Variants in POFUT3 observed in about 807,000 individuals in gnomAD.
POFUT3 encodes GDP-fucose protein O-fucosyltransferase 3.
the POFUT3 span, among the ~76,000 whole-genome samples, chr8:33,463,346 A>G: frequency 2.0e-5 from 3 of 152,054 alleles, no homozygotes; most frequent in East Asian, 3.9e-4. Context: ...CTCTACTACA[A>G]ATACAAAAAT....
the POFUT3 span, among the ~76,000 whole-genome samples, chr8:33,329,158 G>GT: frequency 7.2e-6 from 1 of 138,742 alleles, no homozygotes; most frequent in African/African-American, 2.8e-5. Context: ...TACATCAAGT[G>GT]TCCGTCTTTC....
the POFUT3 span, among the ~76,000 whole-genome samples, chr8:33,388,085 A>G: frequency 6.6e-6 from 1 of 152,220 alleles, no homozygotes. Flanking sequence ...AGTTCATAAC[A>G]ATTTAAGAAA....
chr8:33,463,367 C>T, the POFUT3 span, among the ~76,000 whole-genome samples: 1 of 151,752 alleles, frequency 6.6e-6, no homozygotes, highest in Non-Finnish European at 1.5e-5. Flanking sequence ...TAGCTGGGTG[C>T]GGTGGCAGGC....
chr8:33,359,689 T>A, the POFUT3 span, among the ~76,000 whole-genome samples: 1 of 152,200 alleles, frequency 6.6e-6, no homozygotes, highest in South Asian at 2.1e-4. Flanking sequence ...TTGTTTAGTA[T>A]TATAAAAGCA....
chr8:33,403,649 G>C, the POFUT3 span, among the ~76,000 whole-genome samples: 2 of 152,134 alleles, frequency 1.3e-5, no homozygotes, highest in Non-Finnish European at 2.9e-5. Context: ...TTGAGCCCAA[G>C]AGTTCAAGGC....
At chr8:33,423,275 T>C in the POFUT3 span, among the ~76,000 whole-genome samples, 1 of 15,518 alleles carries the variant, frequency 6.4e-5, no homozygotes, top group Non-Finnish European at 1.3e-4. Flanking sequence ...TTCTTACAAT[T>C]TTTTTTTTTT....
chr8:33,450,787 C>T, the POFUT3 span, among the ~76,000 whole-genome samples: 2 of 152,216 alleles, frequency 1.3e-5, no homozygotes, highest in South Asian at 4.1e-4. Context: ...AGATTAAGTC[C>T]ATCCCAGACA....
At chr8:33,384,725 G>A in the POFUT3 span, among the ~76,000 whole-genome samples, 3 of 152,144 alleles carry the variant, frequency 2.0e-5, no homozygotes, top group African/African-American at 7.2e-5. Context: ...GGAGGCTAAG[G>A]TAGGAGAATC....
At chr8:33,385,792 G>A in the POFUT3 span, among the ~76,000 whole-genome samples, 1 of 152,184 alleles carries the variant, frequency 6.6e-6, no homozygotes, top group Non-Finnish European at 1.5e-5. Context: ...GCTGAGGCAG[G>A]AGAATCACTT....
the POFUT3 span, among the ~76,000 whole-genome samples, chr8:33,456,658 A>G: frequency 6.6e-6 from 1 of 152,166 alleles, no homozygotes; most frequent in Non-Finnish European, 1.5e-5. Context: ...AAATAAAACC[A>G]TAATCAGCCA....
the POFUT3 span, among the ~76,000 whole-genome samples, chr8:33,391,446 C>T: frequency 2.6e-5 from 4 of 152,168 alleles, no homozygotes; most frequent in Non-Finnish European, 5.9e-5. Flanking sequence ...AGAACACTCA[C>T]CCATATACCT....
the POFUT3 span, among the ~76,000 whole-genome samples, chr8:33,376,079 T>A: frequency 6.6e-6 from 1 of 151,822 alleles, no homozygotes; most frequent in South Asian, 2.1e-4. Context: ...CCAAAATAGT[T>A]AAATAATTAG....
the POFUT3 span, among the ~76,000 whole-genome samples, chr8:33,347,957 C>T: frequency 6.6e-6 from 1 of 152,072 alleles, no homozygotes; most frequent in Non-Finnish European, 1.5e-5. Context: ...GTGGGTGGAT[C>T]ACTCAAGGTC....
chr8:33,367,764 T>C, the POFUT3 span, among the ~76,000 whole-genome samples: 2 of 152,270 alleles, frequency 1.3e-5, no homozygotes, highest in Non-Finnish European at 2.9e-5. Context: ...ATTTACTCCA[T>C]TTATATAAGA....
At chr8:33,431,008 T>C in the POFUT3 span, among the ~76,000 whole-genome samples, 3 of 152,058 alleles carry the variant, frequency 2.0e-5, no homozygotes, top group Non-Finnish European at 2.9e-5. Context: ...TTTTACGGTT[T>C]TATGGCAACA....
chr8:33,321,849 C>G, the POFUT3 span, among the ~76,000 whole-genome samples: 1 of 152,082 alleles, frequency 6.6e-6, no homozygotes. Flanking sequence ...TTCCTTGATT[C>G]CCATAGAATA....
At chr8:33,375,595 C>CA in the POFUT3 span, among the ~76,000 whole-genome samples, 9 of 151,930 alleles carry the variant, frequency 5.9e-5, no homozygotes, top group Admixed American at 4.6e-4. Context: ...GGGAAAGAAA[C>CA]AAAAAACTGT....
the POFUT3 span, among the ~76,000 whole-genome samples, chr8:33,430,733 C>T: frequency 6.6e-5 from 10 of 152,236 alleles, no homozygotes; most frequent in South Asian, 2.1e-4. Context: ...CTTAGCCTCC[C>T]GAGTCGCTGG....
At chr8:33,318,774 TTA>T in the POFUT3 span, among the ~76,000 whole-genome samples, 1 of 59,118 alleles carries the variant, frequency 1.7e-5, no homozygotes, top group Non-Finnish European at 2.6e-5. Flanking sequence ...TATATATATT[TTA>T]TATATATTTA....
Sources: allele counts gnomAD v4.1 joint callset (sites outside exome capture counted in the v4.1 genomes callset), GRCh38; gene constraint gnomAD v4.1.1; transcripts MANE v1.5; gene names NCBI Gene and HGNC (gene_info 2026-07-23, HGNC 2026-07-21).